The following RHOJ variants were observed in gnomAD, a reference collection of about 807,000 sequenced individuals.
The protein encoded by RHOJ is ras homolog family member J.
In RHOJ, 11 loss-of-function variants were observed where a neutral mutation model predicts 23.4. The ratio of observed to expected loss-of-function variants is 0.47; its 90% CI spans 0.30 to 0.78. The LOEUF is 0.78. Ranked by LOEUF, RHOJ falls within the 30% of genes least tolerant of loss-of-function variation. The pLI is 0.08. For synonymous variants in RHOJ, 102 were observed against 102.7 expected (o/e 0.99, Z 0.04); for missense variants, 254 against 273.4 (o/e 0.93, Z 0.50).
intron 2 of RHOJ, among the ~76,000 whole-genome samples, chr14:63,278,072 A>T (rs968626894): frequency 3.3e-5 from 5 of 152,064 alleles, no homozygotes; most frequent in African/African-American, 1.2e-4. Flanking sequence ...ACCAGTGATT[A>T]TTCAGCTGTG....
At chr14:63,208,439 G>A (rs892952279) in intron 1 of RHOJ, among the ~76,000 whole-genome samples, 1 of 152,108 alleles carries the variant, frequency 6.6e-6, no homozygotes, top group African/African-American at 2.4e-5. Flanking sequence ...CTGCTGTGCT[G>A]GGAACCCCTT....
At chr14:63,277,761 AC>A (rs1479724329) in intron 2 of RHOJ, among the ~76,000 whole-genome samples, 5 of 152,148 alleles carry the variant, frequency 3.3e-5, no homozygotes, top group African/African-American at 1.2e-4. Context: ...GGTGTGGTGA[AC>A]AGCTGTAGAT....
At chr14:63,212,211 A>G (rs1197972072) in intron 1 of RHOJ, among the ~76,000 whole-genome samples, 2 of 152,170 alleles carry the variant, frequency 1.3e-5, no homozygotes, top group Admixed American at 1.3e-4. Context: ...ATCGTTTTCA[A>G]TCACACTGCA....
chr14:63,225,543 T>A (rs1369282985), intron 1 of RHOJ, among the ~76,000 whole-genome samples: 5 of 152,226 alleles, frequency 3.3e-5, no homozygotes, highest in Non-Finnish European at 7.3e-5. Context: ...ACTTCTGATA[T>A]GACCATGATT....
intron 1 of RHOJ, among the ~76,000 whole-genome samples, chr14:63,230,383 T>C (rs1894668848): frequency 6.6e-6 from 1 of 152,168 alleles, no homozygotes; most frequent in Non-Finnish European, 1.5e-5. Context: ...TAACTATGTT[T>C]AAGTTCTTTC....
chr14:63,210,256 A>C (rs7145437), intron 1 of RHOJ, among the ~76,000 whole-genome samples: 11,570 of 152,216 alleles, frequency 0.076, 675 homozygotes, highest in African/African-American at 0.17. Flanking sequence ...CACCACGCCC[A>C]GCCAGCATTG....
intron 1 of RHOJ, among the ~76,000 whole-genome samples, chr14:63,233,476 G>A (rs1894733774): frequency 6.6e-6 from 1 of 152,118 alleles, no homozygotes; most frequent in South Asian, 2.1e-4. Flanking sequence ...TAATTGGAAG[G>A]GGGAAAAGTA....
intron 1 of RHOJ, among the ~76,000 whole-genome samples, chr14:63,254,302 C>T (rs563871241): frequency 6.6e-5 from 10 of 152,202 alleles, no homozygotes; most frequent in Admixed American, 6.5e-4. Context: ...ATCACCGTGG[C>T]CTTCTGCTAT....
intron 1 of RHOJ, among the ~76,000 whole-genome samples, chr14:63,243,694 T>C (rs1488138441): frequency 1.3e-5 from 2 of 152,166 alleles, no homozygotes; most frequent in Non-Finnish European, 2.9e-5. Flanking sequence ...ACCAACACCA[T>C]ATTTTAAGTC....
chr14:63,222,177 G>A (rs1022380046), intron 1 of RHOJ, among the ~76,000 whole-genome samples: 14 of 151,962 alleles, frequency 9.2e-5, no homozygotes, highest in African/African-American at 3.4e-4. Context: ...TGGCTGCATA[G>A]TATTCCATGG....
intron 1 of RHOJ, among the ~76,000 whole-genome samples, chr14:63,263,942 C>T (rs1480917056): frequency 6.6e-6 from 1 of 151,890 alleles, no homozygotes; most frequent in African/African-American, 2.4e-5. Flanking sequence ...TGGCCATCCT[C>T]AGGAACTCAG....
chr14:63,207,725 T>C (rs1440435834), intron 1 of RHOJ, among the ~76,000 whole-genome samples: 1 of 152,244 alleles, frequency 6.6e-6, no homozygotes, highest in African/African-American at 2.4e-5. Flanking sequence ...GTTCTAATAC[T>C]GGCTCTGTCA....
intron 1 of RHOJ, among the ~76,000 whole-genome samples, chr14:63,221,821 A>G (rs1259357882): frequency 6.6e-6 from 1 of 152,160 alleles, no homozygotes; most frequent in East Asian, 1.9e-4. Context: ...AGGCAGAAGA[A>G]TGCAACATTT....
rs1895426839 is a variant in RHOJ at position 63,269,446 on chromosome 14, G to T, written c.237+278G>T. The T allele has an allele frequency of 1.0e-5, 3 of 301,444 alleles. No homozygotes were observed. In the South Asian group the frequency reaches 3.0e-4, roughly 30 times the overall value. The allele number at this position is 301,444 out of a possible 1,614,324, so 18.7% of individuals were successfully genotyped here. ...CAGAATAACAGATATGTGACCACGAGTTTCAATTTCTTTCTGTGGAAACCT... is the reference window on the plus strand; with the variant it reads ...CAGAATAACAGATATGTGACCACGATTTTCAATTTCTTTCTGTGGAAACCT... On this transcript the variant is annotated intron_variant, in intron 2 of 4. Coordinates refer to ENST00000316754, the MANE Select transcript of RHOJ (RefSeq NM_020663.5).
intron 4 of RHOJ, among the ~76,000 whole-genome samples, chr14:63,289,523 C>T (rs1427718415): frequency 6.6e-6 from 1 of 152,192 alleles, no homozygotes; most frequent in Non-Finnish European, 1.5e-5. Context: ...TCTTAAAATG[C>T]GAATCAAAAA....
chr14:63,262,212 C>T (rs988096902), intron 1 of RHOJ, among the ~76,000 whole-genome samples: 11 of 152,168 alleles, frequency 7.2e-5, no homozygotes, highest in African/African-American at 2.7e-4. Context: ...AGGGCATGAA[C>T]GACACTTCCT....
intron 1 of RHOJ, among the ~76,000 whole-genome samples, chr14:63,229,122 T>C (rs1894645613): frequency 6.6e-6 from 1 of 152,204 alleles, no homozygotes; most frequent in Non-Finnish European, 1.5e-5. Context: ...AAAAAGTCAA[T>C]AGGAAATAAG....
intron 4 of RHOJ, among the ~76,000 whole-genome samples, chr14:63,287,660 C>G (rs921658945): frequency 2.0e-5 from 3 of 150,562 alleles, no homozygotes; most frequent in Admixed American, 1.3e-4. Flanking sequence ...AATGTCCCTG[C>G]TTTTGAGATA....
chr14:63,213,839 T>G (rs752038602), intron 1 of RHOJ, among the ~76,000 whole-genome samples: 1 of 152,076 alleles, frequency 6.6e-6, no homozygotes. Context: ...TGAAAGACTA[T>G]GGAGGAGTAA....
Sources: allele counts gnomAD v4.1 joint callset (sites outside exome capture counted in the v4.1 genomes callset), GRCh38; gene constraint gnomAD v4.1.1; transcripts MANE v1.5; gene names NCBI Gene and HGNC (gene_info 2026-07-23, HGNC 2026-07-21).